SYNE1: variants seen among roughly 807,000 people sequenced by gnomAD.
SYNE1 encodes nesprin-1.
Under a neutral mutation model 1,111.0 loss-of-function variants are expected in SYNE1, and 616 were observed. The observed-to-expected ratio is 0.55, with a 90% CI of 0.52 to 0.59. The LOEUF (loss-of-function observed/expected upper bound fraction) is 0.59. Ranked by LOEUF, SYNE1 falls within the 20% of genes least tolerant of loss-of-function variation. The probability of loss-of-function intolerance (pLI) is 0.00; values close to 1 mark genes in which losing one functional copy is unlikely to be tolerated. For missense variants in SYNE1, 10,006 were observed against 10,417.0 expected (o/e 0.96, Z 1.72); for synonymous variants, 3,855 against 3,825.8 (o/e 1.01, Z -0.28).
rs139400693 is a variant in SYNE1, at chr6:152,621,193, A to T, written c.67+7072T>A. Among the ~76,000 whole-genome samples the T allele has an allele frequency of 7.1e-3, 1,085 of 152,294 alleles. 18 individuals carry two copies. Among genetic ancestry groups the T allele is most frequent in the African/African-American group, 0.025 (1,020 of 41,568 alleles). On this transcript the variant is annotated intron_variant, in intron 3 of 145. Transcript: ENST00000367255. ...AGTAACATTTGGCTGACATAGGTGG[A>T]TATATAGAGGAGCTAGAGGAAAAAG...
At position 152,562,643 on chromosome 6, in the gene SYNE1, CCTGT is replaced by C. The variant is rs1402198149; in HGVS notation, c.68-22626_68-22623del. On this transcript the variant is annotated intron_variant, in intron 3 of 145. Transcript: ENST00000367255. ...CACAACAGCTAAGATGTGGAATCAA[CCTGT>C]CTATTGACAGACAAATGGATAAGAG... Among the ~76,000 whole-genome samples the C allele has an allele frequency of 7.2e-5, 11 of 152,222 alleles. 1 individual carries two copies. Among genetic ancestry groups the C allele is most frequent in the African/African-American group, 2.4e-4 (10 of 41,548 alleles).
chr6:152,249,215 G>T lies in SYNE1; in HGVS notation c.19518C>A (p.Ile6506=), dbSNP rs1252974136. The T allele has an allele frequency of 1.2e-6, 2 of 1,613,904 alleles. No homozygotes were observed. Among genetic ancestry groups the T allele is most frequent in the East Asian group, 4.5e-5 (2 of 44,872 alleles). ...ACACATTTGCCAGTTTTTGCAGAAT[G>T]ATGTATTTGTTGTCAGCCAGTGATG... ...LFTSLADNKY[I]ILQKLANVFE... Residue 6506 remains isoleucine (I), a synonymous_variant, in exon 105 of 146, where the codon ATC becomes ATA. Transcript: ENST00000367255.
At chr6:152,218,483 A>G (rs540340635) in intron 120 of SYNE1, 80 bp from the exon 121 acceptor site, 2 of 1,463,588 alleles carry the variant, frequency 1.4e-6, no homozygotes, top group South Asian at 1.2e-5. Flanking sequence ...TAAAAGGGCA[A>G]GTGGATATTA....
intron 10 of SYNE1, among the ~76,000 whole-genome samples, chr6:152,499,045 G>T (rs1335279915): frequency 6.6e-6 from 1 of 151,972 alleles, no homozygotes; most frequent in Non-Finnish European, 1.5e-5. Flanking sequence ...TATATATTTT[G>T]TAAACATATC....
Position 152,143,022 on chromosome 6 carries a change from C to T in SYNE1, c.25119+601G>A, listed in dbSNP as rs577148147. The stretch of plus-strand genomic sequence containing the variant: ...AGTTCTCTAGGGAAAATTAACTGGT[C>T]AGTAACTCGAGTAGGGCAAATAACC... On this transcript the variant is annotated intron_variant, in intron 138 of 145. Transcript: ENST00000367255. 5.5e-4 allele frequency among the ~76,000 whole-genome samples: 84 copies of T among 152,268 alleles called. No individual in the cohort carries two copies. In the Middle Eastern group the frequency reaches 0.01, roughly 18 times the overall value.
In SYNE1 at chr6:152,331,494, C is replaced by T. The variant is rs2153974179; in HGVS notation, c.13191G>A (p.Lys4397=). 2 of 1,614,088 alleles carry T rather than the reference C, an allele frequency of 1.2e-6. No homozygotes were observed. The highest frequency in any genetic ancestry group is 1.1e-5 in the South Asian group (1 of 91,076). Residue 4397 remains lysine (K), a synonymous_variant, in exon 78 of 146, where the codon AAG becomes AAA. Coordinates refer to ENST00000367255, the MANE Select transcript of SYNE1 (RefSeq NM_182961.4). The part of the protein sequence containing the change: ...HLAICSELEA[K]QMLLKSLIKD... ...TTATAAGCGATTTCAGGAGCATCTGCTTGGCCTCCAGTTCACTGCAGATGG... is the reference window on the plus strand; with the variant it reads ...TTATAAGCGATTTCAGGAGCATCTGTTTGGCCTCCAGTTCACTGCAGATGG...
chr6:152,127,092 A>G (rs553435447), intron 145 of SYNE1: 1 of 152,320 alleles, frequency 6.6e-6, no homozygotes, highest in African/African-American at 2.4e-5. Context: ...GTTAGGACCC[A>G]GGTCTTCTTT....
chr6:152,279,270 A>T (rs1020039291), intron 97 of SYNE1, among the ~76,000 whole-genome samples: 1 of 150,880 alleles, frequency 6.6e-6, no homozygotes, highest in African/African-American at 2.4e-5. Context: ...AAGACTAAAA[A>T]AAAAAACAAA....
intron 32 of SYNE1, among the ~76,000 whole-genome samples, chr6:152,440,600 A>C: frequency 8.3e-6 from 1 of 120,432 alleles, no homozygotes; most frequent in African/African-American, 3.5e-5. Context: ...ATGGAGTCTC[A>C]CTCTCTTGCC....
chr6:152,514,898 C>T (rs1354142496), intron 6 of SYNE1, among the ~76,000 whole-genome samples: 3 of 152,232 alleles, frequency 2.0e-5, no homozygotes, highest in East Asian at 3.9e-4. Context: ...GCAGCCAAAG[C>T]GGACTAATGC....
At chr6:152,169,345 A>T (rs2064509226) in intron 130 of SYNE1, among the ~76,000 whole-genome samples, 1 of 151,848 alleles carries the variant, frequency 6.6e-6, no homozygotes, top group South Asian at 2.1e-4. Context: ...GGTGGATCAC[A>T]AGGTCAGGAG....
rs755660836 is a variant in SYNE1, at chr6:152,152,010, C to G, written c.24261G>C (p.Gln8087His). ...SLKQMVHEGN[Q>H]RWDNLQKRVT... Reference sequence around the variant, plus strand: ...CACGCTTTTGCAGGTTGTCCCATCTCTGGTTGCCTTCGTGAACCATCTGTT... The same window carrying G: ...CACGCTTTTGCAGGTTGTCCCATCTGTGGTTGCCTTCGTGAACCATCTGTT... The change falls in exon 134 of 146, where the codon CAG (glutamine) becomes CAC (histidine). Residue 8087 changes from glutamine to histidine, a missense_variant. Gln to His is a conservative substitution (Grantham distance 24, BLOSUM62 0). This residue lies in a region of SYNE1 where 2,182 missense variants were observed against 2,287.8 expected (regional missense o/e 0.95). Transcript: ENST00000367255. The G allele has an allele frequency of 6.2e-7, 1 of 1,614,208 alleles. No homozygotes were observed. Among genetic ancestry groups the G allele is most frequent in the Non-Finnish European group, 8.5e-7 (1 of 1,180,034 alleles).
chr6:152,350,867 A>T, intron 70 of SYNE1, 97 bp from the exon 71 acceptor site: 1 of 1,421,256 alleles, frequency 7.0e-7, no homozygotes, highest in South Asian at 1.2e-5. Flanking sequence ...ATCTACCTCA[A>T]AGAAAGATTG....
intron 4 of SYNE1, among the ~76,000 whole-genome samples, chr6:152,531,496 A>G (rs2099201421): frequency 6.6e-6 from 1 of 152,208 alleles, no homozygotes; most frequent in Non-Finnish European, 1.5e-5. Flanking sequence ...TAATTTTTAA[A>G]TGTGCTAAAA....
At chr6:152,306,889 G>T (rs922390778) in intron 91 of SYNE1, among the ~76,000 whole-genome samples, 68 of 125,858 alleles carry the variant, frequency 5.4e-4, no homozygotes, top group African/African-American at 2.0e-3. Flanking sequence ...GGATGATACA[G>T]CAAGACTGTG....
chr6:152,227,544 G>A (rs2081876098), intron 115 of SYNE1, among the ~76,000 whole-genome samples: 2 of 152,110 alleles, frequency 1.3e-5, no homozygotes, highest in African/African-American at 4.8e-5. Context: ...TAAATATAGT[G>A]ATTGCTGGGG....
rs147306459 is a variant in SYNE1 at position 152,159,037 on chromosome 6, C to T, written c.23791-2940G>A. Among the ~76,000 whole-genome samples the T allele has an allele frequency of 7.1e-3, 1,077 of 152,178 alleles. 15 individuals are homozygous for T. Among genetic ancestry groups the T allele is most frequent in the African/African-American group, 0.025 (1,018 of 41,506 alleles). On this transcript the variant is annotated intron_variant, in intron 131 of 145. Transcript: ENST00000367255. The stretch of plus-strand genomic sequence containing the variant: ...CACAATCTCGGCTCACTGCAACCTC[C>T]GCCTCCCAGGTTCAAGCGATTCTCC...
At chr6:152,262,227 C>T (rs2092100518) in intron 100 of SYNE1, 39 bp from the exon 101 acceptor site, 4 of 1,592,376 alleles carry the variant, frequency 2.5e-6, no homozygotes, top group South Asian at 1.1e-5. Context: ...ACAATGTGCA[C>T]AAAAAAGTGA....
chr6:152,352,468 T>A, intron 69 of SYNE1, 115 bp from the exon 70 acceptor site: 1 of 1,131,598 alleles, frequency 8.8e-7, no homozygotes, highest in Non-Finnish European at 1.3e-6. Flanking sequence ...AGTGGCACAA[T>A]CTTGGCTCAC....
Sources: gnomAD v4.1 joint callset for allele counts (sites outside exome capture counted in the v4.1 genomes callset) on GRCh38, gnomAD v4.1.1 for gene constraint, gnomAD v4.1.1 regional missense constraint, MANE v1.5 for transcripts, NCBI Gene and HGNC (gene_info 2026-07-23, HGNC 2026-07-21) for gene names.